Variants in TRAPPC9 observed in about 807,000 individuals in gnomAD.
TRAPPC9 encodes the protein trafficking protein particle complex subunit 9.
Under a neutral mutation model 124.0 loss-of-function variants are expected in TRAPPC9, and 83 were observed. That is an observed-to-expected ratio of 0.67 (90% confidence interval 0.56 to 0.80). The LOEUF is 0.80. TRAPPC9 is among the 30% of genes least tolerant of loss of function. The pLI is 0.00. For missense variants in TRAPPC9, 1,302 were observed against 1,508.3 expected, an observed-to-expected ratio of 0.86 and a Z score of 2.27; for synonymous variants, 638 against 617.5, an observed-to-expected ratio of 1.03 and a Z score of -0.49.
At chr8:139,970,129 T>C (rs2131603852) in intron 19 of TRAPPC9, among the ~76,000 whole-genome samples, 1 of 152,300 alleles carries the variant, frequency 6.6e-6, no homozygotes, top group East Asian at 1.9e-4. Context: ...CTGCCCTTCC[T>C]AGGCAGAAAA....
intron 7 of TRAPPC9, among the ~76,000 whole-genome samples, chr8:140,388,372 T>TA (rs752164773): frequency 0.025 from 3,225 of 129,092 alleles, 118 homozygotes; most frequent in African/African-American, 0.08. Flanking sequence ...GAACTTACAG[T>TA]AAAAAAAAAA....
At chr8:139,833,012 C>A (rs967253304) in intron 21 of TRAPPC9, among the ~76,000 whole-genome samples, 1 of 152,028 alleles carries the variant, frequency 6.6e-6, no homozygotes, top group African/African-American at 2.4e-5. Flanking sequence ...GGTTCAACAC[C>A]CCACTGCAGG....
At chr8:139,888,281 G>A (rs1830135572) in intron 20 of TRAPPC9, among the ~76,000 whole-genome samples, 1 of 152,214 alleles carries the variant, frequency 6.6e-6, no homozygotes, top group African/African-American at 2.4e-5. Context: ...GAAAAGGGCA[G>A]GTTCTGGAGA....
intron 15 of TRAPPC9, among the ~76,000 whole-genome samples, chr8:140,273,755 C>T (rs1021186737): frequency 1.3e-5 from 2 of 152,210 alleles, no homozygotes; most frequent in Non-Finnish European, 2.9e-5. Context: ...GTCCCACTTC[C>T]GCTCTCGCCC....
At chr8:140,396,242 C>A (rs1034785895) in intron 7 of TRAPPC9, among the ~76,000 whole-genome samples, 1 of 150,294 alleles carries the variant, frequency 6.7e-6, no homozygotes, top group Non-Finnish European at 1.5e-5. Context: ...CCCAGGTTCA[C>A]GCCATTCTCC....
At chr8:140,083,510 G>A (rs986088474) in intron 17 of TRAPPC9, among the ~76,000 whole-genome samples, 1 of 152,136 alleles carries the variant, frequency 6.6e-6, no homozygotes, top group African/African-American at 2.4e-5. Flanking sequence ...GAACCACAGA[G>A]AGAAAGGTGA....
At chr8:140,122,023 TTC>T (rs533446141) in intron 17 of TRAPPC9, among the ~76,000 whole-genome samples, 10,133 of 138,288 alleles carry the variant, frequency 0.073, 892 homozygotes, top group African/African-American at 0.22. Flanking sequence ...CTTTCTTTCT[TTC>T]TCTCTCTCTC....
At chr8:140,267,451 T>C (rs1588048726) in intron 15 of TRAPPC9, among the ~76,000 whole-genome samples, 1 of 152,240 alleles carries the variant, frequency 6.6e-6, no homozygotes, top group East Asian at 1.9e-4. Flanking sequence ...AGAGTGTCAA[T>C]ACTACGTAAG....
chr8:140,455,870 A>G (rs2071641819), intron 1 of TRAPPC9, among the ~76,000 whole-genome samples: 2 of 152,232 alleles, frequency 1.3e-5, no homozygotes, highest in Non-Finnish European at 2.9e-5. Context: ...AAGCCACAAC[A>G]TGAATAACTT....
At chr8:140,208,109 C>T (rs190461237) in intron 17 of TRAPPC9, among the ~76,000 whole-genome samples, 1 of 151,438 alleles carries the variant, frequency 6.6e-6, no homozygotes, top group African/African-American at 2.4e-5. Flanking sequence ...GAGATCGCAC[C>T]GTTGCACTCC....
intron 21 of TRAPPC9, among the ~76,000 whole-genome samples, chr8:139,741,998 G>T (rs996108827): frequency 1.3e-5 from 2 of 152,224 alleles, no homozygotes; most frequent in Non-Finnish European, 2.9e-5. Context: ...AGAAGATTTT[G>T]TGTGGACACA....
At chr8:139,811,921 G>C (rs1824470777) in intron 21 of TRAPPC9, among the ~76,000 whole-genome samples, 1 of 152,212 alleles carries the variant, frequency 6.6e-6, no homozygotes, top group Non-Finnish European at 1.5e-5. Flanking sequence ...CTGATAAAGA[G>C]AAAGGCAGGA....
At chr8:139,982,051 C>T (rs1248423974) in intron 19 of TRAPPC9, among the ~76,000 whole-genome samples, 1 of 152,216 alleles carries the variant, frequency 6.6e-6, no homozygotes, top group Non-Finnish European at 1.5e-5. Flanking sequence ...TTTATGCATA[C>T]ATGAGGGTTG....
At chr8:140,034,503 C>T (rs943632112) in intron 17 of TRAPPC9, among the ~76,000 whole-genome samples, 2 of 152,302 alleles carry the variant, frequency 1.3e-5, no homozygotes, top group Non-Finnish European at 2.9e-5. Flanking sequence ...TGACTTACCA[C>T]GCTGCAGCAC....
At chr8:140,458,234 G>T, upstream of TRAPPC9, 1 of 1,551,108 alleles carries the variant, frequency 6.4e-7, no homozygotes, top group Non-Finnish European at 8.7e-7. Context: ...TTCTGCACCT[G>T]GGGCGGCGCA....
intron 20 of TRAPPC9, among the ~76,000 whole-genome samples, 165 bp downstream of exon 20, chr8:139,909,982 G>C (rs1203505069): frequency 3.3e-5 from 5 of 152,214 alleles, no homozygotes; most frequent in African/African-American, 1.2e-4. Flanking sequence ...GAAGTGTTAA[G>C]AGGTTAAGGA....
At chr8:140,161,923 T>C (rs1352812312) in intron 17 of TRAPPC9, among the ~76,000 whole-genome samples, 3 of 152,178 alleles carry the variant, frequency 2.0e-5, no homozygotes, top group South Asian at 4.2e-4. Flanking sequence ...AGAGGCCTGG[T>C]TGCAGGCAGA....
At chr8:140,272,162 G>A (rs1267744102) in intron 15 of TRAPPC9, among the ~76,000 whole-genome samples, 1 of 149,674 alleles carries the variant, frequency 6.7e-6, no homozygotes, top group Non-Finnish European at 1.5e-5. Context: ...AGCAGTGATG[G>A]CAGTGGTTAT....
intron 14 of TRAPPC9, among the ~76,000 whole-genome samples, chr8:140,282,542 G>A (rs1332323003): frequency 7.0e-6 from 1 of 143,200 alleles, no homozygotes; most frequent in African/African-American, 2.7e-5. Context: ...ACTCCAGCCT[G>A]GGCAACAGAG....
Sources: allele counts gnomAD v4.1 joint callset (sites outside exome capture counted in the v4.1 genomes callset), GRCh38; gene constraint gnomAD v4.1.1; transcripts MANE v1.5; gene names NCBI Gene and HGNC (gene_info 2026-07-23, HGNC 2026-07-21).